PPIA: variants seen among roughly 807,000 people sequenced by gnomAD.
PPIA encodes the protein peptidylprolyl isomerase A.
Under a neutral mutation model 15.3 loss-of-function variants are expected in PPIA, and 2 were observed. The observed-to-expected ratio is 0.13, with a 90% CI of 0.05 to 0.41. The LOEUF (loss-of-function observed/expected upper bound fraction) is 0.41, where lower values mean the gene tolerates loss of function less well. Among genes scored for constraint, PPIA ranks in the 10% least tolerant of loss-of-function variants. PPIA has a pLI of 0.99. For missense variants in PPIA, 103 were observed against 210.3 expected (o/e 0.49, Z 3.16); for synonymous variants, 67 against 73.1 (o/e 0.92, Z 0.43).
intron 1 of PPIA, 74 bp from the exon 2 acceptor site, chr7:44,799,173 C>CA: frequency 6.8e-7 from 1 of 1,463,734 alleles, no homozygotes; most frequent in Non-Finnish European, 9.4e-7. Flanking sequence ...ATTTATGACT[C>CA]AGAAGCCCCT....
chr7:44,801,207 C>A (rs1206768922), intron 4 of PPIA, 80 bp from the exon 5 acceptor site: 6 of 1,440,210 alleles, frequency 4.2e-6, no homozygotes, highest in Admixed American at 2.3e-5. Context: ...AAAAAAGCTA[C>A]CTTTCTCGTC....
At chr7:44,799,514 T>C in intron 3 of PPIA, 34 bp downstream of exon 3, 5 of 1,602,922 alleles carry the variant, frequency 3.1e-6, no homozygotes, top group Non-Finnish European at 4.3e-6. Context: ...TTTATTTGGG[T>C]TGCTCCCTTC....
intron 1 of PPIA, 175 bp from the exon 2 acceptor site, chr7:44,799,072 T>C: frequency 9.3e-7 from 1 of 1,073,926 alleles, no homozygotes; most frequent in Non-Finnish European, 1.3e-6. Context: ...TCATGTTTCT[T>C]AACCCAACTG....
chr7:44,797,588 C>T (rs1328289227), intron 1 of PPIA, among the ~76,000 whole-genome samples: 1 of 152,146 alleles, frequency 6.6e-6, no homozygotes, highest in Non-Finnish European at 1.5e-5. Flanking sequence ...AAGCAAGTTG[C>T]GACTGGCCAC....
At position 44,802,545 on chromosome 7, in the gene PPIA, T is replaced by TA. The variant is rs1369857637; in HGVS notation, c.*1124dup. ...GTAGGTCAAGTTTATACATCTTAATTATGGTGGAATTCCTATGTAGAGTCT... is the reference window on the plus strand; with the variant it reads ...GTAGGTCAAGTTTATACATCTTAATTAATGGTGGAATTCCTATGTAGAGTCT... On this transcript the variant is annotated 3_prime_UTR_variant, in exon 5 of 5. Transcript: ENST00000468812. The TA allele has an allele frequency of 6.6e-6, 1 of 152,080 alleles. No individual in the cohort carries two copies. Among genetic ancestry groups the TA allele is most frequent in the African/African-American group, 2.4e-5 (1 of 41,414 alleles). 9.4% of individuals were successfully genotyped at this position (152,080 alleles called of 1,614,324 possible).
rs754803033 is a variant in PPIA at position 44,802,023 on chromosome 7, G to A, written c.*601G>A. ...CTATTATCATGCCACTGTACAGCCT[G>A]GGTGTTCACAGATCTTGTGTCTCAA... On this transcript the variant is annotated 3_prime_UTR_variant, in exon 5 of 5. Transcript: ENST00000468812. 6.5e-5 allele frequency: 10 copies of A among 153,084 alleles called. No homozygotes were observed. Among genetic ancestry groups the A allele is most frequent in the Non-Finnish European group, 1.2e-4 (8 of 68,762 alleles). 9.5% of individuals were successfully genotyped at this position (153,084 alleles called of 1,614,324 possible). A position where few individuals can be genotyped will look rare whatever the true frequency, so the allele number is the denominator to read the frequency against.
Position 44,799,776 on chromosome 7 carries a change from C to G in PPIA, c.264C>G (p.Phe88Leu). The G allele has an allele frequency of 6.2e-7, 1 of 1,613,912 alleles. No individual in the cohort carries two copies. Among genetic ancestry groups the G allele is most frequent in the Non-Finnish European group, 8.5e-7 (1 of 1,179,890 alleles). The stretch of plus-strand genomic sequence containing the variant: ...GGGAGAAATTTGAAGATGAGAACTT[C>G]ATCCTAAAGCATACGGGTCCTGGCA... The part of the protein sequence containing the change: ...IYGEKFEDEN[F>L]ILKHTGPGIL... Residue 88 changes from phenylalanine to leucine, a missense_variant, in exon 4 of 5, where the codon TTC becomes TTG. Coordinates refer to ENST00000468812, the MANE Select transcript of PPIA (RefSeq NM_021130.5).
Position 44,802,839 on chromosome 7 carries a change from C to T in PPIA, c.*1417C>T, listed in dbSNP as rs995715092. The T allele has an allele frequency of 6.6e-6, 1 of 152,106 alleles. No individual in the cohort carries two copies. The highest frequency in any genetic ancestry group is 2.4e-5 in the African/African-American group (1 of 41,416). The allele number at this position is 152,106 out of a possible 1,614,324, so 9.4% of individuals were successfully genotyped here. On this transcript the variant is annotated 3_prime_UTR_variant, in exon 5 of 5. Coordinates refer to ENST00000468812, the MANE Select transcript of PPIA (RefSeq NM_021130.5). ...TCAGGACAATCTAAGCTGAGAAAAC[C>T]CCTTCTCTGCCCACCTTAACAGACC...
chr7:44,801,545 G>A lies in PPIA; in HGVS notation c.*123G>A. The A allele has an allele frequency of 1.6e-6, 1 of 624,982 alleles. No individual in the cohort carries two copies. Among genetic ancestry groups the A allele is most frequent in the South Asian group, 2.0e-5 (1 of 50,520 alleles). The allele number at this position is 624,982 out of a possible 1,614,324, so 38.7% of individuals were successfully genotyped here. A position where few individuals can be genotyped will look rare whatever the true frequency, so the allele number is the denominator to read the frequency against. On this transcript the variant is annotated 3_prime_UTR_variant, in exon 5 of 5. Coordinates refer to ENST00000468812, the MANE Select transcript of PPIA (RefSeq NM_021130.5). ...GTGCTCTCGCTGCAGTTCCCTTTGGGTTCCATGTTTTCCTTGTTCCCTCCC... is the reference window on the plus strand; with the variant it reads ...GTGCTCTCGCTGCAGTTCCCTTTGGATTCCATGTTTTCCTTGTTCCCTCCC...
At chr7:44,796,885 G>T in intron 1 of PPIA, 92 bp downstream of exon 1, 1 of 1,376,088 alleles carries the variant, frequency 7.3e-7, no homozygotes, top group East Asian at 2.7e-5. Flanking sequence ...GGCGCGGGGC[G>T]ACCCTGCTTG....
At chr7:44,801,202 A>AT in intron 4 of PPIA, 85 bp from the exon 5 acceptor site, 1 of 1,388,890 alleles carries the variant, frequency 7.2e-7, no homozygotes, top group Non-Finnish European at 9.7e-7. Context: ...AAAAAAAAAA[A>AT]GCTACCTTTC....
intron 1 of PPIA, 50 bp from the exon 2 acceptor site, chr7:44,799,197 C>G: frequency 6.3e-7 from 1 of 1,590,426 alleles, no homozygotes; most frequent in Non-Finnish European, 8.6e-7. Flanking sequence ...GACATGGGTA[C>G]TAAGCAACAA....
chr7:44,798,062 T>A (rs1313437231), intron 1 of PPIA: 1 of 152,072 alleles, frequency 6.6e-6, no homozygotes, highest in African/African-American at 2.4e-5. Flanking sequence ...GGGCATCAGG[T>A]TACCCAAAGA....
At chr7:44,798,876 G>T in intron 1 of PPIA, 1 of 1,041,584 alleles carries the variant, frequency 9.6e-7, no homozygotes. Flanking sequence ...TCGTGCAGCA[G>T]TGCTTGCTGT....
chr7:44,799,325 T>TTGTGTGTG, intron 2 of PPIA, 48 bp downstream of exon 2: 3 of 1,601,692 alleles, frequency 1.9e-6, no homozygotes, highest in African/African-American at 2.7e-5. Flanking sequence ...TTGTGACAGT[T>TTGTGTGTG]TGTGTGTGTG....
chr7:44,799,211 A>G, intron 1 of PPIA, 36 bp from the exon 2 acceptor site: 2 of 1,608,076 alleles, frequency 1.2e-6, no homozygotes, highest in Non-Finnish European at 1.7e-6. Context: ...GCAACAAAAT[A>G]AGCAGATGTT....
At chr7:44,799,053 C>T (rs1026484690) in intron 1 of PPIA, 194 bp from the exon 2 acceptor site, 95 of 1,117,024 alleles carry the variant, frequency 8.5e-5, no homozygotes, top group Non-Finnish European at 1.0e-4. Context: ...TTTGGCATGT[C>T]TTTGGGTTTC....
Position 44,801,305 on chromosome 7 carries a change from G to A in PPIA, c.381G>A (p.Val127=). 6.2e-7 allele frequency: 1 copy of A among 1,613,440 alleles called. No homozygotes were observed. The highest frequency in any genetic ancestry group is 8.5e-7 in the Non-Finnish European group (1 of 1,179,754). The part of the protein sequence containing the change: ...AKTEWLDGKH[V]VFGKVKEGMN... ...TTTCAAGGTTGGATGGCAAGCATGT[G>A]GTGTTTGGCAAAGTGAAAGAAGGCA... is the stretch of plus-strand genomic sequence containing the variant. The change falls in exon 5 of 5, where the codon GTG becomes GTA. Residue 127 remains valine (V), a synonymous_variant. Transcript: ENST00000468812.
chr7:44,800,278 G>A (rs1347924027), intron 4 of PPIA: 4 of 191,068 alleles, frequency 2.1e-5, no homozygotes, highest in Admixed American at 1.1e-4. Flanking sequence ...TTGTGGAGAC[G>A]GGGTTTCATC....
Sources: gnomAD v4.1 joint callset for allele counts (sites outside exome capture counted in the v4.1 genomes callset) on GRCh38, gnomAD v4.1.1 for gene constraint, MANE v1.5 for transcripts, NCBI Gene and HGNC (gene_info 2026-07-23, HGNC 2026-07-21) for gene names.